Variants in MAGI2 observed in about 807,000 individuals in gnomAD.
The protein encoded by MAGI2 is membrane-associated guanylate kinase, WW and PDZ domain-containing protein 2.
MAGI2 carries 35 observed loss-of-function variants against 133.3 expected under a neutral mutation model. That is an observed-to-expected ratio of 0.26 (90% CI 0.20 to 0.35). MAGI2 has a LOEUF of 0.35. Among genes scored for constraint, MAGI2 ranks in the 10% least tolerant of loss-of-function variants. MAGI2 has a pLI of 1.00. For missense variants in MAGI2, 1,636 were observed against 1,863.4 expected, an observed-to-expected ratio of 0.88 and a Z score of 2.25; for synonymous variants, 729 against 710.6, an observed-to-expected ratio of 1.03 and a Z score of -0.41.
intron 1 of MAGI2, among the ~76,000 whole-genome samples, chr7:79,151,123 C>G (rs1004193650): frequency 3.3e-5 from 5 of 152,078 alleles, no homozygotes; most frequent in Admixed American, 6.6e-5. Flanking sequence ...CATTTTGTTG[C>G]AGACGAAGAT....
intron 2 of MAGI2, among the ~76,000 whole-genome samples, chr7:78,737,392 A>C (rs1392285285): frequency 2.6e-5 from 4 of 152,218 alleles, no homozygotes. Flanking sequence ...TTAACTGAGT[A>C]CAAAAAATAA....
At chr7:79,395,972 TGA>T in intron 1 of MAGI2, among the ~76,000 whole-genome samples, 1 of 152,152 alleles carries the variant, frequency 6.6e-6, no homozygotes, top group Non-Finnish European at 1.5e-5. Context: ...AGGTATCTAT[TGA>T]TTTTTTTAAA....
chr7:78,062,392 C>A (rs533908403), intron 21 of MAGI2, among the ~76,000 whole-genome samples: 1 of 152,238 alleles, frequency 6.6e-6, no homozygotes, highest in African/African-American at 2.4e-5. Context: ...GCCATCATGT[C>A]TTGAGTGCTA....
chr7:78,482,488 G>A (rs1200618793), intron 6 of MAGI2, among the ~76,000 whole-genome samples: 1 of 151,772 alleles, frequency 6.6e-6, no homozygotes, highest in Admixed American at 6.6e-5. Context: ...CCAAAAACTG[G>A]ATACAACCCA....
At chr7:79,055,985 A>G (rs1813112261) in intron 1 of MAGI2, among the ~76,000 whole-genome samples, 1 of 152,174 alleles carries the variant, frequency 6.6e-6, no homozygotes, top group African/African-American at 2.4e-5. Flanking sequence ...GCTGATTTTT[A>G]GACAAAAGAA....
At chr7:78,392,475 A>G (rs1344763979) in intron 6 of MAGI2, among the ~76,000 whole-genome samples, 2 of 152,284 alleles carry the variant, frequency 1.3e-5, no homozygotes, top group South Asian at 2.1e-4. Flanking sequence ...TTAGAAAATA[A>G]TAAGAGAAAA....
intron 2 of MAGI2, among the ~76,000 whole-genome samples, chr7:78,813,710 C>T (rs1352857375): frequency 2.1e-5 from 3 of 144,208 alleles, no homozygotes; most frequent in East Asian, 4.4e-4. Context: ...GGCGTGAACC[C>T]GGGAGGCAGA....
intron 6 of MAGI2, among the ~76,000 whole-genome samples, chr7:78,472,662 A>G (rs976080578): frequency 6.6e-6 from 1 of 152,132 alleles, no homozygotes; most frequent in Admixed American, 6.6e-5. Context: ...CATTCCTCTT[A>G]AAGTGATGTT....
chr7:78,501,506 C>G, intron 5 of MAGI2, 71 bp downstream of exon 5: 2 of 1,076,606 alleles, frequency 1.9e-6, no homozygotes, highest in Non-Finnish European at 2.7e-6. Flanking sequence ...TTTTCCACGT[C>G]TAACTTGCTA....
intron 1 of MAGI2, among the ~76,000 whole-genome samples, chr7:79,153,549 A>C (rs1249531026): frequency 1.3e-5 from 2 of 152,220 alleles, no homozygotes; most frequent in Non-Finnish European, 2.9e-5. Flanking sequence ...AGACCTAAGC[A>C]TAAGAGTAAC....
chr7:78,788,143 C>T (rs1019170967), intron 2 of MAGI2, among the ~76,000 whole-genome samples: 1 of 152,200 alleles, frequency 6.6e-6, no homozygotes, highest in African/African-American at 2.4e-5. Flanking sequence ...ACTTCTGCTT[C>T]TTGGGGTCCA....
chr7:78,683,392 G>T (rs1815907958), intron 2 of MAGI2, among the ~76,000 whole-genome samples: 1 of 152,178 alleles, frequency 6.6e-6, no homozygotes, highest in African/African-American at 2.4e-5. Flanking sequence ...AGCCTATGAA[G>T]AAAGATGTCA....
intron 2 of MAGI2, among the ~76,000 whole-genome samples, chr7:78,959,560 T>A (rs1181384212): frequency 6.6e-6 from 1 of 152,178 alleles, no homozygotes; most frequent in Non-Finnish European, 1.5e-5. Flanking sequence ...GGCTACGTCA[T>A]TGAAGCAATA....
rs1290104729 is a variant in MAGI2, at chr7:78,776,038, AAGT to A, written c.419-148802_419-148800del. On this transcript the variant is annotated intron_variant, in intron 2 of 21. Transcript: ENST00000354212. The stretch of plus-strand genomic sequence containing the variant: ...ATTTGTGGGCTGTGTGACCAAAGGC[AAGT>A]CATCCAAACTCTCTGTACCTCAGTT... Among the ~76,000 whole-genome samples the A allele has an allele frequency of 2.6e-5, 4 of 152,310 alleles. No individual in the cohort carries two copies. The East Asian group carries it at 7.7e-4, about 29-fold the overall frequency.
At chr7:78,064,648 G>A (rs1197155471) in intron 21 of MAGI2, among the ~76,000 whole-genome samples, 1 of 152,058 alleles carries the variant, frequency 6.6e-6, no homozygotes, top group Non-Finnish European at 1.5e-5. Context: ...ATACTTATAT[G>A]GCTAACCATG....
chr7:78,967,432 G>A (rs1803417061), intron 2 of MAGI2, among the ~76,000 whole-genome samples: 1 of 151,826 alleles, frequency 6.6e-6, no homozygotes, highest in Non-Finnish European at 1.5e-5. Flanking sequence ...GTTCCCTTTG[G>A]TGTGATTTTT....
At chr7:78,650,719 C>G (rs1279435036) in intron 2 of MAGI2, among the ~76,000 whole-genome samples, 3 of 152,242 alleles carry the variant, frequency 2.0e-5, no homozygotes, top group South Asian at 2.1e-4. Flanking sequence ...TCTTTGTCCT[C>G]CCTTCACTAA....
intron 2 of MAGI2, among the ~76,000 whole-genome samples, chr7:78,860,492 G>A (rs998384222): frequency 6.6e-6 from 1 of 152,190 alleles, no homozygotes; most frequent in African/African-American, 2.4e-5. Context: ...AGGTCTGTGG[G>A]AGTTTGCTGG....
intron 9 of MAGI2, among the ~76,000 whole-genome samples, chr7:78,281,683 T>C (rs922108784): frequency 6.9e-6 from 1 of 144,750 alleles, no homozygotes; most frequent in African/African-American, 2.5e-5. Flanking sequence ...GGCAGCATAG[T>C]GATATTAATT....
Sources: allele counts gnomAD v4.1 joint callset (sites outside exome capture counted in the v4.1 genomes callset), GRCh38; gene constraint gnomAD v4.1.1; transcripts MANE v1.5; gene names NCBI Gene and HGNC (gene_info 2026-07-23, HGNC 2026-07-21).